Variants in BDNF observed in about 807,000 individuals in gnomAD.
BDNF encodes the protein neurotrophic factor BDNF precursor form.
Under a neutral mutation model 19.5 loss-of-function variants are expected in BDNF, and 1 was observed. The ratio of observed to expected loss-of-function variants is 0.05; its 90% CI spans 0.02 to 0.24. The LOEUF (loss-of-function observed/expected upper bound fraction) is 0.24. BDNF is among the 10% of genes least tolerant of loss of function. The probability of loss-of-function intolerance (pLI) is 1.00; values close to 1 mark genes in which losing one functional copy is unlikely to be tolerated. For missense variants in BDNF, 195 were observed against 317.6 expected (o/e 0.61, Z 2.93); for synonymous variants, 100 against 121.6 (o/e 0.82, Z 1.17).
chr11:27,678,319 CCATGGCCAAACA>C (rs2133942804), intron 1 of BDNF, among the ~76,000 whole-genome samples: 1 of 152,264 alleles, frequency 6.6e-6, no homozygotes, highest in South Asian at 2.1e-4. Context: ...GAGGGGGTGG[CCATGGCCAAACA>C]TAGGAGGGGA....
Position 27,655,222 on chromosome 11 carries a change from C to T in BDNF, c.*2599G>A, listed in dbSNP as rs912892886. 2 of 152,446 alleles carry T rather than the reference C, an allele frequency of 1.3e-5. No homozygotes were observed. The highest frequency in any genetic ancestry group is 2.9e-5 in the Non-Finnish European group (2 of 68,040). 9.4% of individuals were successfully genotyped at this position (152,446 alleles called of 1,614,324 possible). ...AAACACTTCTGCCACAAAGAGACCA[C>T]AGCAAGACTTTAAAAAACAAAACAA... On this transcript the variant is annotated 3_prime_UTR_variant, in exon 2 of 2. Transcript: ENST00000356660.
chr11:27,721,401 T>G, intron 1 of BDNF: 1 of 1,614,106 alleles, frequency 6.2e-7, no homozygotes, highest in Non-Finnish European at 8.5e-7. Context: ...GCAGGTTTTA[T>G]TGCTACTCAC....
At position 27,658,686 on chromosome 11, in the gene BDNF, G is replaced by A; in HGVS notation, c.-21-101C>T. ...GATTGTAATTCCAGGCCATTCTGCA[G>A]GGTCAAGGTTTTTTTATGTCTTGGT... On this transcript the variant is annotated intron_variant, in intron 1 of 1. Coordinates refer to ENST00000356660, the MANE Select transcript of BDNF (RefSeq NM_001709.5). This position sits in a 1 kb window ranked among gnomAD's most constrained non-coding sequence, Gnocchi z 5.7. 6.2e-7 allele frequency: 1 copy of A among 1,603,564 alleles called. No individual in the cohort carries two copies. The highest frequency in any genetic ancestry group is 2.2e-5 in the East Asian group (1 of 44,746).
intron 1 of BDNF, chr11:27,674,753 A>G (rs367784915): frequency 1.2e-5 from 12 of 978,748 alleles, no homozygotes; most frequent in Non-Finnish European, 1.2e-5. Context: ...TATAGAAGAC[A>G]TGCAAACTCA....
At chr11:27,692,160 G>A (rs1477165760) in intron 1 of BDNF, among the ~76,000 whole-genome samples, 1 of 152,014 alleles carries the variant, frequency 6.6e-6, no homozygotes, top group African/African-American at 2.4e-5. Flanking sequence ...ATGATTCAAA[G>A]GCAGAAATAT....
chr11:27,685,970 C>T (rs376009635), intron 1 of BDNF, among the ~76,000 whole-genome samples: 9 of 151,886 alleles, frequency 5.9e-5, no homozygotes, highest in Non-Finnish European at 1.0e-4. Context: ...TTTTCTGTCT[C>T]GTTGACCTAA....
Position 27,656,811 on chromosome 11 carries a change from T to A in BDNF, c.*1010A>T. The A allele has an allele frequency of 1.0e-6, 1 of 983,846 alleles. No homozygotes were observed. The allele number at this position is 983,846 out of a possible 1,614,324, so 60.9% of individuals were successfully genotyped here. A position where few individuals can be genotyped will look rare whatever the true frequency, so the allele number is the denominator to read the frequency against. ...GGTTATTTTTTGTTGTTTTCTGTTC[T>A]AAAAAAAAATCACTGTTCTCCATGC... On this transcript the variant is annotated 3_prime_UTR_variant, in exon 2 of 2. Transcript: ENST00000356660.
chr11:27,719,713 A>T, intron 1 of BDNF: 2 of 627,016 alleles, frequency 3.2e-6, no homozygotes, highest in Non-Finnish European at 3.7e-6. Context: ...AGAATGAGGG[A>T]GGGATGGAGG....
chr11:27,669,188 C>T (rs1474324248), intron 1 of BDNF, among the ~76,000 whole-genome samples: 4 of 152,120 alleles, frequency 2.6e-5, no homozygotes, highest in Admixed American at 6.6e-5. Context: ...GCAGAAAAGG[C>T]CTTTGACAAA....
chr11:27,657,108 T>C lies in BDNF; in HGVS notation c.*713A>G, dbSNP rs1852667105. On this transcript the variant is annotated 3_prime_UTR_variant, in exon 2 of 2. Transcript: ENST00000356660. The surrounding 1 kb of genome is among the most constrained non-coding windows in gnomAD (Gnocchi z 5.0). ...TTTTGTTCAGTTGCCTTAATTTTTATTCACTTTCTAGTCATCTGATCGATA... is the reference window on the plus strand; with the variant it reads ...TTTTGTTCAGTTGCCTTAATTTTTACTCACTTTCTAGTCATCTGATCGATA... 1.0e-6 allele frequency: 1 copy of C among 985,552 alleles called. No individual in the cohort carries two copies. Among genetic ancestry groups the C allele is most frequent in the Non-Finnish European group, 1.2e-6 (1 of 829,778 alleles). The allele number at this position is 985,552 out of a possible 1,614,324, so 61.1% of individuals were successfully genotyped here.
chr11:27,700,225 T>C lies in BDNF; in HGVS notation c.-83A>G, dbSNP rs1859744485. The C allele has an allele frequency of 4.1e-6, 4 of 985,724 alleles. No homozygotes were observed. The highest frequency in any genetic ancestry group is 4.8e-6 in the Non-Finnish European group (4 of 830,236). 61.1% of individuals were successfully genotyped at this position (985,724 alleles called of 1,614,324 possible). A position where few individuals can be genotyped will look rare whatever the true frequency, so the allele number is the denominator to read the frequency against. On this transcript the variant is annotated 5_prime_UTR_variant, in exon 1 of 2. Transcript: ENST00000356660. ...CGGAGTCACATCGTGGTTCCGATTC[T>C]GGCTCCAGCGCCCAGCCCCGGTCCC...
chr11:27,717,662 T>C (rs1335275425), intron 1 of BDNF, among the ~76,000 whole-genome samples: 1 of 152,224 alleles, frequency 6.6e-6, no homozygotes, highest in Non-Finnish European at 1.5e-5. Flanking sequence ...ATTCTCTCTC[T>C]TTCCTCTTTC....
At chr11:27,672,981 C>T (rs1256882374) in intron 1 of BDNF, among the ~76,000 whole-genome samples, 1 of 152,106 alleles carries the variant, frequency 6.6e-6, no homozygotes, top group Non-Finnish European at 1.5e-5. Flanking sequence ...GCAAATGACT[C>T]ACACTAGGAA....
intron 1 of BDNF, among the ~76,000 whole-genome samples, chr11:27,692,062 C>G (rs753758757): frequency 6.6e-6 from 1 of 151,958 alleles, no homozygotes; most frequent in African/African-American, 2.4e-5. Context: ...AATCTGTATA[C>G]AAATAAGGAA....
At chr11:27,661,755 C>T (rs998818594) in intron 1 of BDNF, among the ~76,000 whole-genome samples, 1 of 152,206 alleles carries the variant, frequency 6.6e-6, no homozygotes, top group Non-Finnish European at 1.5e-5. Context: ...TGCTTCATCA[C>T]TTCTGCTCCG....
At chr11:27,680,969 C>T (rs148745605) in intron 1 of BDNF, among the ~76,000 whole-genome samples, 2 of 152,176 alleles carry the variant, frequency 1.3e-5, no homozygotes, top group Non-Finnish European at 2.9e-5. Flanking sequence ...GGTTCACAGG[C>T]TCTACAGTCC....
upstream of BDNF, among the ~76,000 whole-genome samples, chr11:27,703,452 C>T (rs967103470): frequency 2.0e-5 from 3 of 152,134 alleles, no homozygotes; most frequent in Non-Finnish European, 4.4e-5. Flanking sequence ...TGAAAAAATA[C>T]CTGGCAAGTT....
At chr11:27,666,827 C>A (rs1209786404) in intron 1 of BDNF, among the ~76,000 whole-genome samples, 1 of 152,116 alleles carries the variant, frequency 6.6e-6, no homozygotes, top group Non-Finnish European at 1.5e-5. Context: ...AGAATGGAAC[C>A]AAGTTGGAAA....
At chr11:27,690,897 G>T (rs1215478203) in intron 1 of BDNF, among the ~76,000 whole-genome samples, 1 of 149,088 alleles carries the variant, frequency 6.7e-6, no homozygotes, top group African/African-American at 2.5e-5. Flanking sequence ...ATCCTTGTAT[G>T]TAAAAAAAAA....
Sources: allele counts gnomAD v4.1 joint callset (sites outside exome capture counted in the v4.1 genomes callset), GRCh38; gene constraint gnomAD v4.1.1; non-coding constraint Gnocchi (gnomAD v3.1); transcripts MANE v1.5; gene names NCBI Gene and HGNC (gene_info 2026-07-23, HGNC 2026-07-21).